The following TMEM39A variants were observed in gnomAD, a reference collection of about 807,000 sequenced individuals.
TMEM39A encodes suppressor of SQST-1 aggregates in rpl-43 mutants.
Under a neutral mutation model 51.9 loss-of-function variants are expected in TMEM39A, and 19 were observed. The ratio of observed to expected loss-of-function variants is 0.37; its 90% CI spans 0.26 to 0.54. The LOEUF (loss-of-function observed/expected upper bound fraction) is 0.54. TMEM39A is among the 20% of genes least tolerant of loss of function. The pLI is 0.88. For synonymous variants in TMEM39A, 197 were observed against 220.2 expected, an observed-to-expected ratio of 0.89 and a Z score of 0.93; for missense variants, 433 against 590.5, an observed-to-expected ratio of 0.73 and a Z score of 2.76.
intron 5 of TMEM39A, among the ~76,000 whole-genome samples, chr3:119,441,455 G>A (rs909653765): frequency 1.1e-4 from 16 of 152,326 alleles, no homozygotes; most frequent in Middle Eastern, 6.8e-3. Context: ...GACCAGCCAC[G>A]ACATTGCCCT....
In TMEM39A at chr3:119,458,238, T is replaced by C. The variant is rs1446081039; in HGVS notation, c.116A>G (p.Asn39Ser). ...GACTGGAAGGCCAATAGCACTACCA[T>C]TCCTGAAAGAGAAAACTATGGTTAA... Reference protein sequence around the residue: ...CGNGTGLRNRNGSAIGLPVPP... With the variant: ...CGNGTGLRNRSGSAIGLPVPP... Residue 39 changes from asparagine (N) to serine (S), a missense_variant and splice_region_variant, in exon 3 of 9, where the codon AAT becomes AGT. By Grantham distance (46) the Asn-to-Ser change is conservative. This residue lies in a region of TMEM39A where 170 missense variants were observed against 239.8 expected (regional missense o/e 0.71). Coordinates refer to ENST00000319172, the MANE Select transcript of TMEM39A (RefSeq NM_018266.3). The C allele has an allele frequency of 6.2e-7, 1 of 1,613,534 alleles. No individual in the cohort carries two copies. The highest frequency in any genetic ancestry group is 1.3e-5 in the African/African-American group (1 of 74,908).
At chr3:119,437,665 C>G (rs1012694053) in intron 6 of TMEM39A, 90 bp downstream of exon 6, 1 of 1,095,958 alleles carries the variant, frequency 9.1e-7, no homozygotes. Flanking sequence ...AAAGGGGAGA[C>G]AGAGAAAAGG....
In TMEM39A at chr3:119,429,917, T is replaced by A. The variant is rs1243750240; in HGVS notation, c.*2064A>T. ...ATTAGTTCATAAGACTGGTCTGTTATCTCTAATCAGGGTTTTCTGGGTTAC... is the reference window on the plus strand; with the variant it reads ...ATTAGTTCATAAGACTGGTCTGTTAACTCTAATCAGGGTTTTCTGGGTTAC... On this transcript the variant is annotated 3_prime_UTR_variant, in exon 9 of 9. Transcript: ENST00000319172. The A allele has an allele frequency of 6.6e-6, 1 of 152,160 alleles. No individual in the cohort carries two copies. The highest frequency in any genetic ancestry group is 1.5e-5 in the Non-Finnish European group (1 of 68,026). 9.4% of individuals were successfully genotyped at this position (152,160 alleles called of 1,614,324 possible). A position where few individuals can be genotyped will look rare whatever the true frequency, so the allele number is the denominator to read the frequency against.
In TMEM39A at chr3:119,447,044, G is replaced by C. The variant is rs2081135261; in HGVS notation, c.549C>G (p.Val183=). The C allele has an allele frequency of 6.2e-7, 1 of 1,613,962 alleles. No homozygotes were observed. Among genetic ancestry groups the C allele is most frequent in the Non-Finnish European group, 8.5e-7 (1 of 1,180,004 alleles). Residue 183 remains valine (V), a synonymous_variant, in exon 5 of 9, where the codon GTC becomes GTG. Coordinates refer to ENST00000319172, the MANE Select transcript of TMEM39A (RefSeq NM_018266.3). ...GGTAGCCAAGGAAAAGGAGATTGAG[G>C]ACTGAATGGCTTCGAAAGAGATTGA... The part of the protein sequence containing the change: ...TLVNLFRSHS[V]LNLLFLGYPF...
intron 7 of TMEM39A, chr3:119,435,578 A>C (rs6800371): frequency 2.4e-6 from 2 of 841,500 alleles, no homozygotes; most frequent in Non-Finnish European, 2.8e-6. Context: ...TAAGCTTTTT[A>C]AAAAAAAAAA....
rs765974259 is a variant in TMEM39A, at chr3:119,438,057, C to G, written c.622G>C (p.Ala208Pro). 7.5e-6 allele frequency: 12 copies of G among 1,599,750 alleles called. No homozygotes were observed. The East Asian group carries it at 2.0e-4, about 27-fold the overall frequency. Residue 208 changes from alanine (A) to proline (P), a missense_variant, in exon 6 of 9, where the codon GCA becomes CCA. Coordinates refer to ENST00000319172, the MANE Select transcript of TMEM39A (RefSeq NM_018266.3). Reference protein sequence around the residue: ...PLCCFHQDSRAHLLLTDYNYV... With the variant: ...PLCCFHQDSRPHLLLTDYNYV... ...TTGTAGTCTGTGAGAAGAAGATGTGCTCTACTATCTTGATGAAAACAGCAA... is the reference window on the plus strand; with the variant it reads ...TTGTAGTCTGTGAGAAGAAGATGTGGTCTACTATCTTGATGAAAACAGCAA...
intron 5 of TMEM39A, among the ~76,000 whole-genome samples, chr3:119,440,864 C>G (rs2081043182): frequency 6.6e-6 from 1 of 152,128 alleles, no homozygotes; most frequent in South Asian, 2.1e-4. Flanking sequence ...TGTGGCAACC[C>G]TGCATCAAGC....
chr3:119,452,636 C>T, intron 3 of TMEM39A, 106 bp from the exon 4 acceptor site: 2 of 786,522 alleles, frequency 2.5e-6, no homozygotes, highest in Non-Finnish European at 2.1e-6. Context: ...CCTTAGATCA[C>T]CACACCCTTA....
At position 119,438,878 on chromosome 3, in the gene TMEM39A, C is replaced by G. The variant is rs142749644; in HGVS notation, c.576-775G>C. On this transcript the variant is annotated intron_variant, in intron 5 of 8. Coordinates refer to ENST00000319172, the MANE Select transcript of TMEM39A (RefSeq NM_018266.3). ...CTCCACAGATCTTACCATGTTTATTCGATTTTTAACTTTGGGGGTAGTTTT... is the reference window on the plus strand; with the variant it reads ...CTCCACAGATCTTACCATGTTTATTGGATTTTTAACTTTGGGGGTAGTTTT... 4.0e-3 allele frequency among the ~76,000 whole-genome samples: 604 copies of G among 152,176 alleles called. 25 individuals are homozygous for G. The highest frequency in any genetic ancestry group is 0.035 in the Admixed American group (530 of 15,260).
intron 8 of TMEM39A, among the ~76,000 whole-genome samples, chr3:119,432,877 A>C (rs959985024): frequency 6.6e-6 from 1 of 152,136 alleles, no homozygotes; most frequent in African/African-American, 2.4e-5. Context: ...GCACAAAGAC[A>C]GGATAAGGAG....
rs56263355 is a variant in TMEM39A at position 119,443,063 on chromosome 3, CAAAAAAAAAAAAAA to C, written c.575+3941_575+3954del. Reference sequence around the variant, plus strand: ...CCTGGGCGACAGTGAGACCCTGTCTCAAAAAAAAAAAAAAAAAAAAAAAAGTGAAGCCTGAAGAT... The same window carrying C: ...CCTGGGCGACAGTGAGACCCTGTCTCAAAAAAAAAAGTGAAGCCTGAAGAT... On this transcript the variant is annotated intron_variant, in intron 5 of 8. Transcript: ENST00000319172. Among the ~76,000 whole-genome samples, 5 of 53,086 alleles carry C rather than the reference CAAAAAAAAAAAAAA, an allele frequency of 9.4e-5. No individual in the cohort carries two copies. In the East Asian group the frequency reaches 2.6e-3, roughly 28 times the overall value. The allele number at this position is 53,086 out of a possible 152,430, so 34.8% of individuals were successfully genotyped here. A position where few individuals can be genotyped will look rare whatever the true frequency, so the allele number is the denominator to read the frequency against.
intron 8 of TMEM39A, 122 bp from the exon 9 acceptor site, chr3:119,432,336 G>T: frequency 1.6e-6 from 1 of 634,608 alleles, no homozygotes; most frequent in Non-Finnish European, 2.6e-6. Context: ...ATAATAAATA[G>T]ATCTGTTTAT....
chr3:119,452,746 C>A (rs907616424), intron 3 of TMEM39A, among the ~76,000 whole-genome samples: 2 of 152,158 alleles, frequency 1.3e-5, no homozygotes, highest in African/African-American at 4.8e-5. Flanking sequence ...TTTTAAACTA[C>A]CTGCAATATA....
rs539669515 is a variant in TMEM39A at position 119,433,093 on chromosome 3, G to A, written c.1234-879C>T. Among the ~76,000 whole-genome samples the A allele has an allele frequency of 3.9e-5, 6 of 152,248 alleles. 1 individual carries two copies. In the South Asian group the frequency reaches 1.2e-3, roughly 32 times the overall value. Reference sequence around the variant, plus strand: ...ATCCTAAATCTAGATGAAGACAAGAGTGCAGTAACAGCAGTGATCAGATCT... The same window carrying A: ...ATCCTAAATCTAGATGAAGACAAGAATGCAGTAACAGCAGTGATCAGATCT... On this transcript the variant is annotated intron_variant, in intron 8 of 8. Transcript: ENST00000319172.
rs2081364763 is a variant in TMEM39A at position 119,463,344 on chromosome 3, G to C, written c.-83C>G. 2.7e-6 allele frequency: 1 copy of C among 371,026 alleles called. No homozygotes were observed. Among genetic ancestry groups the C allele is most frequent in the Non-Finnish European group, 4.8e-6 (1 of 209,542 alleles). 23.0% of individuals were successfully genotyped at this position (371,026 alleles called of 1,614,324 possible). On this transcript the variant is annotated 5_prime_UTR_variant, in exon 1 of 9. Coordinates refer to ENST00000319172, the MANE Select transcript of TMEM39A (RefSeq NM_018266.3). ...AGCTCAGTAATACTCACGCATGGAA[G>C]AGTCCCAGCCGGTGGGGCGGGGTCC... is the stretch of plus-strand genomic sequence containing the variant.
chr3:119,431,745 A>G lies in TMEM39A; in HGVS notation c.*236T>C. On this transcript the variant is annotated 3_prime_UTR_variant, in exon 9 of 9. Transcript: ENST00000319172. Reference sequence around the variant, plus strand: ...ATTCCAGAGCCATACAAACAAATCAATCTCTTTACTGGACAGGCATACCTC... The same window carrying G: ...ATTCCAGAGCCATACAAACAAATCAGTCTCTTTACTGGACAGGCATACCTC... 1 of 320,456 alleles carries G rather than the reference A, an allele frequency of 3.1e-6. No individual in the cohort carries two copies. The highest frequency in any genetic ancestry group is 5.5e-5 in the East Asian group (1 of 18,174). The allele number at this position is 320,456 out of a possible 1,614,324, so 19.9% of individuals were successfully genotyped here.
At chr3:119,435,489 G>A in intron 7 of TMEM39A, 1 of 984,836 alleles carries the variant, frequency 1.0e-6, no homozygotes, top group African/African-American at 1.8e-5. Flanking sequence ...GGTTTCTCTG[G>A]GGGAAAAGAA....
intron 7 of TMEM39A, chr3:119,435,658 G>A (rs1443439281): frequency 3.6e-5 from 35 of 983,608 alleles, no homozygotes; most frequent in Non-Finnish European, 4.2e-5. Context: ...GAACTGGGAG[G>A]CAGTTTAGAT....
intron 3 of TMEM39A, among the ~76,000 whole-genome samples, chr3:119,454,460 T>C (rs1224215376): frequency 6.6e-6 from 1 of 152,204 alleles, no homozygotes; most frequent in South Asian, 2.1e-4. Flanking sequence ...GTCTGGGTCT[T>C]ATTAATGCAT....
Sources: allele counts gnomAD v4.1 joint callset (sites outside exome capture counted in the v4.1 genomes callset), GRCh38; gene constraint gnomAD v4.1.1; regional missense constraint gnomAD v4.1.1; transcripts MANE v1.5; gene names NCBI Gene and HGNC (gene_info 2026-07-23, HGNC 2026-07-21).